CLHC1: variants seen among roughly 807,000 people sequenced by gnomAD.
CLHC1 encodes the protein clathrin heavy chain linker domain-containing protein 1.
In CLHC1, 72 loss-of-function variants were observed where a neutral mutation model predicts 69.5. That is an observed-to-expected ratio of 1.04 (90% CI 0.86 to 1.26). The LOEUF is 1.26. Ranked by LOEUF, CLHC1 falls within the 50% of genes most tolerant of loss-of-function variation. The pLI, the probability that CLHC1 is intolerant of heterozygous loss-of-function variation, is 0.00. For missense variants in CLHC1, 790 were observed against 679.3 expected (o/e 1.16, Z -1.81); for synonymous variants, 223 against 224.3 (o/e 0.99, Z 0.05).
At chr2:55,198,140 T>C (rs1247363933) in intron 9 of CLHC1, among the ~76,000 whole-genome samples, 1 of 151,766 alleles carries the variant, frequency 6.6e-6, no homozygotes, top group African/African-American at 2.4e-5. Flanking sequence ...TATCTGAAAA[T>C]ATACAGTGAG....
At chr2:55,192,909 G>C (rs1471836026) in intron 9 of CLHC1, among the ~76,000 whole-genome samples, 2 of 54,108 alleles carry the variant, frequency 3.7e-5, no homozygotes. Context: ...TTTTTTTTTT[G>C]AGATGGAGTC....
intron 8 of CLHC1, among the ~76,000 whole-genome samples, chr2:55,207,109 C>T (rs1334286252): frequency 6.7e-6 from 1 of 149,574 alleles, no homozygotes; most frequent in Non-Finnish European, 1.5e-5. Context: ...AGTGAGACTC[C>T]GTCTGAAAAA....
chr2:55,195,570 G>A (rs1671333166), intron 9 of CLHC1, among the ~76,000 whole-genome samples: 1 of 152,168 alleles, frequency 6.6e-6, no homozygotes, highest in African/African-American at 2.4e-5. Flanking sequence ...CGGAGGCCAA[G>A]GCAGGCAGAT....
intron 9 of CLHC1, among the ~76,000 whole-genome samples, chr2:55,206,028 T>G (rs1275907285): frequency 6.6e-6 from 1 of 152,358 alleles, no homozygotes; most frequent in East Asian, 1.9e-4. Context: ...TTATTAAATC[T>G]TGATAGTGAG....
At chr2:55,212,131 T>C (rs1390146106) in intron 5 of CLHC1, among the ~76,000 whole-genome samples, 1 of 151,734 alleles carries the variant, frequency 6.6e-6, no homozygotes, top group Non-Finnish European at 1.5e-5. Flanking sequence ...ACAAAAATTA[T>C]CTGGGCACAG....
chr2:55,176,052 T>A, intron 12 of CLHC1, 66 bp from the exon 13 acceptor site: 1 of 1,320,840 alleles, frequency 7.6e-7, no homozygotes, highest in Non-Finnish European at 1.1e-6. Flanking sequence ...TAGTGATTCT[T>A]CAAAAATAGA....
At chr2:55,207,142 T>C (rs1672532624) in intron 8 of CLHC1, among the ~76,000 whole-genome samples, 1 of 150,326 alleles carries the variant, frequency 6.7e-6, no homozygotes, top group Non-Finnish European at 1.5e-5. Context: ...GCTGCCAAAC[T>C]GGAGATCAAG....
rs1188474029 is a variant in CLHC1, at chr2:55,217,978, T to C, written c.198A>G (p.Ala66=). 3.9e-6 allele frequency: 6 copies of C among 1,549,446 alleles called. No homozygotes were observed. The highest frequency in any genetic ancestry group is 4.4e-6 in the Non-Finnish European group (5 of 1,147,358). The change falls in exon 4 of 13, where the codon GCA becomes GCG. Residue 66 remains alanine, a synonymous_variant. Transcript: ENST00000401408. ...TGATTGAAGTAAGAATGGATTTGTATGCAGTGATATGCTCTATTACCTGAA... is the reference window on the plus strand; with the variant it reads ...TGATTGAAGTAAGAATGGATTTGTACGCAGTGATATGCTCTATTACCTGAA... ...VFDKVIEHIT[A]YKSILTSIKK... is the part of the protein sequence containing the mutation.
intron 9 of CLHC1, among the ~76,000 whole-genome samples, chr2:55,200,015 G>C (rs748930725): frequency 6.6e-6 from 1 of 151,998 alleles, no homozygotes; most frequent in African/African-American, 2.4e-5. Flanking sequence ...CCTGAACCCA[G>C]GAGTTCAAGA....
chr2:55,231,436 T>C (rs891036948), intron 1 of CLHC1, among the ~76,000 whole-genome samples: 22 of 152,296 alleles, frequency 1.4e-4, no homozygotes, highest in African/African-American at 4.3e-4. Context: ...ATTTGAATTG[T>C]ATCCTGAAGG....
chr2:55,199,829 GGAAGA>G (rs1342301790), intron 9 of CLHC1, among the ~76,000 whole-genome samples: 3 of 151,892 alleles, frequency 2.0e-5, no homozygotes, highest in Non-Finnish European at 4.4e-5. Context: ...AAGGAAAGAA[GGAAGA>G]GAAGACCATA....
intron 3 of CLHC1, among the ~76,000 whole-genome samples, chr2:55,219,220 A>C (rs1437391): frequency 3.3e-5 from 5 of 151,928 alleles, no homozygotes; most frequent in Admixed American, 6.6e-5. Context: ...GACAACTCAG[A>C]TATATTAATG....
intron 2 of CLHC1, among the ~76,000 whole-genome samples, chr2:55,226,122 G>A (rs1471887868): frequency 6.6e-6 from 1 of 151,526 alleles, no homozygotes; most frequent in African/African-American, 2.4e-5. Context: ...AACCCGGGAG[G>A]CGGAGGTTGC....
rs1553342146 is a variant in CLHC1 at position 55,180,160 on chromosome 2, A to AAAT, written c.1384+349_1384+350insATT. On this transcript the variant is annotated intron_variant, in intron 11 of 12. Coordinates refer to ENST00000401408, the MANE Select transcript of CLHC1 (RefSeq NM_152385.4). ...AGAGTGAGACTCCATCTCAAAAAAA[A>AAAT]ATATATATATATATATCTCACAAAT... 2.0e-5 allele frequency among the ~76,000 whole-genome samples: 3 copies of AAAT among 151,620 alleles called. No homozygotes were observed. The East Asian group carries it at 5.8e-4, about 29-fold the overall frequency.
At chr2:55,194,640 T>G (rs1306442946) in intron 9 of CLHC1, among the ~76,000 whole-genome samples, 2 of 151,322 alleles carry the variant, frequency 1.3e-5, no homozygotes, top group African/African-American at 4.9e-5. Flanking sequence ...ACACAGAACA[T>G]CCTAAGAAAG....
At chr2:55,182,192 G>A (rs1670000897) in intron 9 of CLHC1, among the ~76,000 whole-genome samples, 2 of 152,090 alleles carry the variant, frequency 1.3e-5, no homozygotes, top group African/African-American at 4.8e-5. Flanking sequence ...TGCAGCTGCA[G>A]ATACACAGAG....
intron 7 of CLHC1, among the ~76,000 whole-genome samples, 155 bp downstream of exon 7, chr2:55,209,249 A>AG (rs1672749087): frequency 6.6e-6 from 1 of 152,094 alleles, no homozygotes; most frequent in South Asian, 2.1e-4. Context: ...ATTATCTGTT[A>AG]GCTGTTGAAG....
chr2:55,180,798 G>C (rs1194089649), intron 10 of CLHC1, 86 bp from the exon 11 acceptor site: 2 of 1,083,718 alleles, frequency 1.8e-6, no homozygotes, highest in Non-Finnish European at 1.4e-6. Context: ...CAGCACAGTA[G>C]GACTGGATTT....
intron 9 of CLHC1, among the ~76,000 whole-genome samples, chr2:55,194,901 A>G (rs1671258627): frequency 6.6e-6 from 1 of 150,580 alleles, no homozygotes; most frequent in South Asian, 2.1e-4. Context: ...CTTACACTCC[A>G]CTCTCTTAGC....
Sources: gnomAD v4.1 joint callset for allele counts (sites outside exome capture counted in the v4.1 genomes callset) on GRCh38, gnomAD v4.1.1 for gene constraint, MANE v1.5 for transcripts, NCBI Gene and HGNC (gene_info 2026-07-23, HGNC 2026-07-21) for gene names.